The following FAAP20 variants were observed in gnomAD, a reference collection of about 807,000 sequenced individuals.
The protein encoded by FAAP20 is FA core complex associated protein 20, also known as Fanconi anemia core complex-associated protein 20.
In FAAP20, 12 loss-of-function variants were observed where a neutral mutation model predicts 16.2. That is an observed-to-expected ratio of 0.74 (90% CI 0.48 to 1.20). The LOEUF is 1.20. FAAP20 is among the 50% of genes most tolerant of loss of function. The probability of loss-of-function intolerance (pLI) is 0.00; values close to 1 mark genes in which losing one functional copy is unlikely to be tolerated. For synonymous variants in FAAP20, 141 were observed against 110.7 expected, an observed-to-expected ratio of 1.27 and a Z score of -1.72; for missense variants, 288 against 245.8, an observed-to-expected ratio of 1.17 and a Z score of -1.15.
At chr1:2,186,484 C>A (rs1687606142), downstream of FAAP20, among the ~76,000 whole-genome samples, 1 of 141,562 alleles carries the variant, frequency 7.1e-6, no homozygotes, top group Non-Finnish European at 1.5e-5. Flanking sequence ...CGGCCCGAGA[C>A]CCTGGACACC....
chr1:2,193,134 G>T, intron 3 of FAAP20: 1 of 602,876 alleles, frequency 1.7e-6, no homozygotes, highest in Non-Finnish European at 2.5e-6. Context: ...GAGGTCGCCA[G>T]ACACAAGGCC....
chr1:2,192,867 T>C (rs1688392792), intron 3 of FAAP20: 3 of 1,291,972 alleles, frequency 2.3e-6, no homozygotes, highest in Non-Finnish European at 3.1e-6. Flanking sequence ...CTCAAAGGGC[T>C]GGGATTACAG....
chr1:2,189,421 G>T, downstream of FAAP20: 1 of 486,056 alleles, frequency 2.1e-6, no homozygotes. Context: ...CCCTCAGCCC[G>T]TCCGCTGTCC....
In FAAP20 at chr1:2,194,699, G is replaced by T; in HGVS notation, c.51C>A (p.Arg17=). ...GCTCCCGGCCTCACCCGCCCGCCGG[G>T]CGCGGCCTCCGGCGGCTCAACCCCA... ...PRLGLSRRRP[R]PAGGPSGGRP... The change falls in exon 1 of 4, where the codon CGC becomes CGA. Residue 17 remains arginine (R), a synonymous_variant. Transcript: ENST00000378546. The T allele has an allele frequency of 8.6e-7, 1 of 1,169,364 alleles. No individual in the cohort carries two copies. Among genetic ancestry groups the T allele is most frequent in the Non-Finnish European group, 1.1e-6 (1 of 949,954 alleles). 72.4% of individuals were successfully genotyped at this position (1,169,364 alleles called of 1,614,324 possible).
chr1:2,207,660 A>G (rs150331947), downstream of FAAP20: 646 of 152,250 alleles, frequency 4.2e-3, 4 homozygotes, highest in Middle Eastern at 6.8e-3. Flanking sequence ...TACAGTGGAG[A>G]AGGGGACCCT....
chr1:2,187,182 C>G (rs1687692343), downstream of FAAP20: 2 of 471,510 alleles, frequency 4.2e-6, no homozygotes, highest in Non-Finnish European at 8.8e-6. Flanking sequence ...CAGGGTCATT[C>G]AAAGTCTTGC....
At chr1:2,186,503 C>CA (rs1441409253), downstream of FAAP20, among the ~76,000 whole-genome samples, 2 of 149,864 alleles carry the variant, frequency 1.3e-5, no homozygotes, top group African/African-American at 2.5e-5. Context: ...CCCGCCCCCC[C>CA]CCGGCCAGCT....
chr1:2,204,533 T>G (rs1689164775), upstream of FAAP20, among the ~76,000 whole-genome samples: 1 of 152,210 alleles, frequency 6.6e-6, no homozygotes, highest in South Asian at 2.1e-4. Flanking sequence ...GGCGTCAGCT[T>G]GGACCTCAGA....
At chr1:2,198,744 C>A, upstream of FAAP20, 2 of 1,285,038 alleles carry the variant, frequency 1.6e-6, no homozygotes, top group South Asian at 2.5e-5. Context: ...GGTGCCCTGG[C>A]AGTGCTCACC....
At chr1:2,185,109 GC>G, downstream of FAAP20, 1 of 1,183,098 alleles carries the variant, frequency 8.5e-7, no homozygotes, top group Non-Finnish European at 1.2e-6. Flanking sequence ...TCCGAGGGCG[GC>G]CAGGGACAGA....
chr1:2,211,406 T>TAC, downstream of FAAP20, among the ~76,000 whole-genome samples: 1 of 14,950 alleles, frequency 6.7e-5, no homozygotes, highest in Non-Finnish European at 1.2e-4. Context: ...ATTTTATATA[T>TAC]ATATATATAT....
intron 3 of FAAP20, chr1:2,190,227 G>A (rs751193080): frequency 2.4e-5 from 11 of 459,208 alleles, no homozygotes; most frequent in South Asian, 1.4e-4. Context: ...TGCAGCTCAC[G>A]TCAGAGAATT....
chr1:2,205,323 G>T (rs1376471391), intron 3 of FAAP20, among the ~76,000 whole-genome samples: 5 of 81,582 alleles, frequency 6.1e-5, no homozygotes, highest in African/African-American at 2.0e-4. Flanking sequence ...GCCCCGCCCC[G>T]CAGGGTCCCG....
chr1:2,194,961 G>C (rs1688743300), upstream of FAAP20, among the ~76,000 whole-genome samples: 1 of 151,924 alleles, frequency 6.6e-6, no homozygotes, highest in Non-Finnish European at 1.5e-5. Flanking sequence ...GTGAGGGTGG[G>C]GGGCCCAGGT....
downstream of FAAP20, among the ~76,000 whole-genome samples, chr1:2,207,240 A>G (rs2459998): frequency 0.47 from 71,497 of 151,962 alleles, 17,864 homozygotes; most frequent in African/African-American, 0.65. Flanking sequence ...GCAGGCCCAC[A>G]TGGCCTGTGC....
chr1:2,185,317 A>T, downstream of FAAP20: 1 of 718,698 alleles, frequency 1.4e-6, no homozygotes, highest in East Asian at 2.7e-5. Context: ...ACGGAAACAG[A>T]ACTCGATGCA....
Position 2,193,930 on chromosome 1 carries a change from G to C in FAAP20, c.199-20C>G, listed in dbSNP as rs998927632. 1 of 1,612,242 alleles carries C rather than the reference G, an allele frequency of 6.2e-7. No homozygotes were observed. Among genetic ancestry groups the C allele is most frequent in the Non-Finnish European group, 8.5e-7 (1 of 1,179,726 alleles). ...GGGCTCCTGCAACACAGAGTTGTTG[G>C]GCCTTGCCCAGCGATGGCTCCCGCC... On this transcript the variant is annotated intron_variant, in intron 2 of 3. Transcript: ENST00000378546.
downstream of FAAP20, among the ~76,000 whole-genome samples, chr1:2,189,291 C>T (rs1232928399): frequency 7.1e-6 from 1 of 141,502 alleles, no homozygotes. Context: ...GTGATTGCAC[C>T]ACTGCACTCC....
downstream of FAAP20, chr1:2,189,528 A>G: frequency 8.0e-6 from 5 of 625,166 alleles, no homozygotes; most frequent in East Asian, 2.8e-5. Context: ...ACCAAACGTC[A>G]GAAAGAAAAG....
Sources: allele counts gnomAD v4.1 joint callset (sites outside exome capture counted in the v4.1 genomes callset), GRCh38; gene constraint gnomAD v4.1.1; transcripts MANE v1.5; gene names NCBI Gene and HGNC (gene_info 2026-07-23, HGNC 2026-07-21).